ROR2: variants seen among roughly 807,000 people sequenced by gnomAD.
ROR2 encodes the protein tyrosine-protein kinase transmembrane receptor ROR2.
A neutral mutation model predicts 74.9 loss-of-function variants in ROR2; 33 were observed. The observed-to-expected ratio is 0.44, with a 90% confidence interval of 0.33 to 0.59. The LOEUF (loss-of-function observed/expected upper bound fraction) is 0.59. Ranked by LOEUF, ROR2 falls within the 20% of genes least tolerant of loss-of-function variation. The pLI, the probability that ROR2 is intolerant of heterozygous loss-of-function variation, is 0.02. For synonymous variants in ROR2, 586 were observed against 558.7 expected (o/e 1.05, Z -0.69); for missense variants, 1,216 against 1,313.8 (o/e 0.93, Z 1.15).
chr9:91,852,622 CAA>C lies in ROR2; in HGVS notation c.98-76806_98-76805del, dbSNP rs1491111069. Among the ~76,000 whole-genome samples, 158 of 81,306 alleles carry C rather than the reference CAA, an allele frequency of 1.9e-3. 2 individuals are homozygous for C. In the East Asian group the frequency reaches 0.029, roughly 15 times the overall value. 53.3% of individuals were successfully genotyped at this position (81,306 alleles called of 152,430 possible). ...GAGTTACAAATAAATGGAAAACACA[CAA>C]ACACACACACACACACACACACACA... is the stretch of plus-strand genomic sequence containing the variant. On this transcript the variant is annotated intron_variant, in intron 1 of 8. Transcript: ENST00000375708.
chr9:91,910,898 A>G (rs949613191), intron 1 of ROR2, among the ~76,000 whole-genome samples: 11 of 152,222 alleles, frequency 7.2e-5, no homozygotes, highest in African/African-American at 2.4e-4. Context: ...TCCTGACCTC[A>G]TATGATCTGC....
intron 1 of ROR2, among the ~76,000 whole-genome samples, chr9:91,804,555 T>A (rs897133846): frequency 1.3e-5 from 2 of 152,242 alleles, no homozygotes; most frequent in Admixed American, 6.5e-5. Flanking sequence ...GCGGCTCACA[T>A]GGGCCACGCT....
At chr9:91,819,162 C>T (rs904568821) in intron 1 of ROR2, among the ~76,000 whole-genome samples, 8 of 152,150 alleles carry the variant, frequency 5.3e-5, no homozygotes, top group African/African-American at 9.7e-5. Context: ...CTGCAGCCCC[C>T]GCAGCCACAG....
intron 1 of ROR2, among the ~76,000 whole-genome samples, chr9:91,849,309 G>T (rs1439027059): frequency 1.3e-5 from 2 of 152,184 alleles, no homozygotes; most frequent in South Asian, 2.1e-4. Flanking sequence ...GAGAACAAGA[G>T]ATCAAATAAA....
chr9:91,728,462 G>C (rs965394762), intron 7 of ROR2, among the ~76,000 whole-genome samples: 3 of 152,074 alleles, frequency 2.0e-5, no homozygotes, highest in African/African-American at 7.2e-5. Flanking sequence ...ATGGAGTCTC[G>C]CTCTATCTCC....
intron 5 of ROR2, among the ~76,000 whole-genome samples, chr9:91,735,606 C>CTTTTTATTTTTTTT (rs1824990692): frequency 1.3e-5 from 1 of 79,000 alleles, no homozygotes; most frequent in Non-Finnish European, 2.4e-5. Context: ...AGGGCTCTAA[C>CTTTTTATTTTTTTT]TTTTTTTTTT....
At chr9:91,904,061 G>A (rs896905792) in intron 1 of ROR2, among the ~76,000 whole-genome samples, 13 of 149,704 alleles carry the variant, frequency 8.7e-5, no homozygotes, top group African/African-American at 3.0e-4. Context: ...TGGGGGGGGG[G>A]ACAGAGTCTC....
chr9:91,913,679 T>C (rs985452669), intron 1 of ROR2, among the ~76,000 whole-genome samples: 16 of 152,352 alleles, frequency 1.1e-4, no homozygotes, highest in Middle Eastern at 3.4e-3. Context: ...TCCTCCTCTG[T>C]TCCGGCCAGT....
intron 1 of ROR2, among the ~76,000 whole-genome samples, chr9:91,880,167 A>T (rs1401560488): frequency 1.3e-5 from 2 of 151,532 alleles, no homozygotes; most frequent in African/African-American, 4.9e-5. Context: ...TCCTTATAAG[A>T]AAAAAAAAGG....
chr9:91,920,633 C>G (rs1020340966), intron 1 of ROR2, among the ~76,000 whole-genome samples: 2 of 152,232 alleles, frequency 1.3e-5, no homozygotes, highest in East Asian at 3.8e-4. Flanking sequence ...TTCCTAAACA[C>G]CTGGTCTGTC....
At position 91,726,660 on chromosome 9, in the gene ROR2, A is replaced by G; in HGVS notation, c.1267T>C (p.Phe423Leu). 6.2e-6 allele frequency: 10 copies of G among 1,614,052 alleles called. No individual in the cohort carries two copies. The highest frequency in any genetic ancestry group is 8.5e-6 in the Non-Finnish European group (10 of 1,180,040). The change falls in exon 8 of 9, where the codon TTC (phenylalanine) becomes CTC (leucine). Residue 423 changes from phenylalanine (F) to leucine (L), a missense_variant. Phe to Leu is a conservative substitution (Grantham distance 22). Coordinates refer to ENST00000375708, the MANE Select transcript of ROR2 (RefSeq NM_004560.4). ...AIPLVIACLF[F>L]LVCMCRNKQK... The stretch of plus-strand genomic sequence containing the variant: ...TTATTCCGGCACATGCAAACCAAGA[A>G]GAAAAGGCAAGCGATGACCAGTGGA...
At chr9:91,939,648 G>A (rs1831796023) in intron 1 of ROR2, among the ~76,000 whole-genome samples, 1 of 152,084 alleles carries the variant, frequency 6.6e-6, no homozygotes, top group Non-Finnish European at 1.5e-5. Flanking sequence ...ACAGTGGGAT[G>A]TCAAAGCCTC....
At chr9:91,785,752 A>T (rs905049360) in intron 1 of ROR2, among the ~76,000 whole-genome samples, 3 of 152,160 alleles carry the variant, frequency 2.0e-5, no homozygotes, top group Non-Finnish European at 2.9e-5. Context: ...GCTGCAGGGC[A>T]TGGGCTCCTG....
intron 1 of ROR2, among the ~76,000 whole-genome samples, chr9:91,904,042 G>GTT (rs551800062): frequency 7.9e-6 from 1 of 126,556 alleles, no homozygotes; most frequent in Non-Finnish European, 1.7e-5. Context: ...TTTTGTTTTT[G>GTT]TTTTTTTTTG....
At chr9:91,851,999 G>T (rs1354656242) in intron 1 of ROR2, among the ~76,000 whole-genome samples, 1 of 151,814 alleles carries the variant, frequency 6.6e-6, no homozygotes, top group Admixed American at 6.6e-5. Flanking sequence ...AGACAATAGG[G>T]TTTTCTTCTC....
intron 1 of ROR2, among the ~76,000 whole-genome samples, chr9:91,900,177 A>G (rs1052100838): frequency 1.3e-5 from 2 of 152,166 alleles, no homozygotes; most frequent in Admixed American, 1.3e-4. Context: ...AGGCCCCCAG[A>G]TAAGCTCAGG....
At chr9:91,782,433 C>T (rs1826648838) in intron 1 of ROR2, among the ~76,000 whole-genome samples, 1 of 151,926 alleles carries the variant, frequency 6.6e-6, no homozygotes, top group African/African-American at 2.4e-5. Context: ...AAAGAAACTG[C>T]ATTATCCTTT....
At chr9:91,744,413 G>A (rs1825343586) in intron 4 of ROR2, among the ~76,000 whole-genome samples, 1 of 151,706 alleles carries the variant, frequency 6.6e-6, no homozygotes, top group Admixed American at 6.6e-5. Flanking sequence ...AGTAGAGATA[G>A]AGTTTCATCA....
intron 1 of ROR2, among the ~76,000 whole-genome samples, chr9:91,937,782 G>A (rs143061941): frequency 3.1e-3 from 478 of 152,234 alleles, no homozygotes; most frequent in African/African-American, 0.01. Flanking sequence ...AGTGATCACA[G>A]CACTCACTAC....
Sources: gnomAD v4.1 joint callset for allele counts (sites outside exome capture counted in the v4.1 genomes callset) on GRCh38, gnomAD v4.1.1 for gene constraint, MANE v1.5 for transcripts, NCBI Gene and HGNC (gene_info 2026-07-23, HGNC 2026-07-21) for gene names.